Variants in SYNE2 observed in about 807,000 individuals in gnomAD.
SYNE2 encodes the protein spectrin repeat containing nuclear envelope protein 2.
In SYNE2, 431 loss-of-function variants were observed where a neutral mutation model predicts 856.3. The observed-to-expected ratio is 0.50, with a 90% confidence interval of 0.47 to 0.55. The LOEUF is 0.55. SYNE2 is among the 20% of genes least tolerant of loss of function. The pLI is 0.00. For synonymous variants in SYNE2, 2,923 were observed against 2,872.3 expected, an observed-to-expected ratio of 1.02 and a Z score of -0.56; for missense variants, 8,129 against 8,023.2, an observed-to-expected ratio of 1.01 and a Z score of -0.50.
At chr14:64,107,439 A>G in intron 64 of SYNE2, 52 bp from the exon 65 acceptor site, 3 of 1,476,156 alleles carry the variant, frequency 2.0e-6, no homozygotes, top group Non-Finnish European at 9.5e-7. Context: ...AGAAGAATTC[A>G]TGTGGCACCA....
At chr14:63,931,549 CAA>C (rs564187169) in intron 2 of SYNE2, among the ~76,000 whole-genome samples, 41 of 88,682 alleles carry the variant, frequency 4.6e-4, no homozygotes, top group Admixed American at 5.1e-4. Context: ...GACTCTGTCT[CAA>C]AAAAAAAAAA....
rs866965526 is a variant in SYNE2 at position 64,219,110 on chromosome 14, T to G, written c.19658-98T>G. On this transcript the variant is annotated intron_variant, in intron 109 of 115. Coordinates refer to ENST00000555002, the MANE Select transcript of SYNE2 (RefSeq NM_182914.3). ...AATCCCCTACAGTTTTTTTGTTTTTTTTTTTTTTTTTTTTAACCACCCTGA... is the reference window on the plus strand; with the variant it reads ...AATCCCCTACAGTTTTTTTGTTTTTGTTTTTTTTTTTTTTAACCACCCTGA... 9.9e-4 allele frequency: 898 copies of G among 905,778 alleles called. 2 individuals are homozygous for G. Among genetic ancestry groups the G allele is most frequent in the African/African-American group, 6.9e-3 (337 of 48,680 alleles). 56.1% of individuals were successfully genotyped at this position (905,778 alleles called of 1,614,324 possible). A position where few individuals can be genotyped will look rare whatever the true frequency, so the allele number is the denominator to read the frequency against.
chr14:63,879,445 A>G (rs1259888695), intron 1 of SYNE2, among the ~76,000 whole-genome samples: 1 of 152,154 alleles, frequency 6.6e-6, no homozygotes. Context: ...GGAGCCCACA[A>G]AGGGTCTCCA....
At chr14:63,969,689 G>A (rs1041505043) in intron 11 of SYNE2, among the ~76,000 whole-genome samples, 3 of 151,826 alleles carry the variant, frequency 2.0e-5, no homozygotes, top group African/African-American at 4.8e-5. Context: ...TATGTACCAC[G>A]TTTTCTTTAT....
At chr14:64,186,396 T>C (rs1276659540) in intron 96 of SYNE2, 28 bp from the exon 97 acceptor site, 3 of 1,614,012 alleles carry the variant, frequency 1.9e-6, no homozygotes, top group Non-Finnish European at 2.5e-6. Flanking sequence ...TTGAAGGCTT[T>C]TTACCCCCTT....
intron 64 of SYNE2, among the ~76,000 whole-genome samples, chr14:64,104,806 A>G (rs2097760809): frequency 6.6e-6 from 1 of 152,126 alleles, no homozygotes; most frequent in African/African-American, 2.4e-5. Flanking sequence ...GGTCACCTCT[A>G]TGCCAGTGAT....
chr14:63,762,828 G>A (rs1253327730), intron 1 of SYNE2, among the ~76,000 whole-genome samples: 4 of 151,612 alleles, frequency 2.6e-5, no homozygotes, highest in South Asian at 4.1e-4. Context: ...GGTTCAGAAA[G>A]AGAGAGAAAA....
At chr14:64,097,661 G>C (rs953517483) in intron 61 of SYNE2, among the ~76,000 whole-genome samples, 3 of 152,250 alleles carry the variant, frequency 2.0e-5, no homozygotes, top group Non-Finnish European at 4.4e-5. Flanking sequence ...CCACAGTCAC[G>C]TGTGGAGCAT....
Position 64,121,026 on chromosome 14 carries a change from C to T in SYNE2, c.13123C>T (p.Gln4375Ter). ...GGAATCCATTGTAACTGAAAGGCCA[C>T]AATTCAGCAGACAAAAAGATTTCCA... ...ELESIVTERP[Q>*]FSRQKDFQQQ... The change falls in exon 68 of 116, where the codon CAA becomes TAA. Residue 4375 changes from glutamine to a stop codon, truncating the protein, a stop_gained. Coordinates refer to ENST00000555002, the MANE Select transcript of SYNE2 (RefSeq NM_182914.3). LOFTEE classifies it high-confidence loss of function. 1 of 1,614,118 alleles carries T rather than the reference C, an allele frequency of 6.2e-7. No homozygotes were observed. Among genetic ancestry groups the T allele is most frequent in the Non-Finnish European group, 8.5e-7 (1 of 1,180,000 alleles).
intron 1 of SYNE2, among the ~76,000 whole-genome samples, chr14:63,769,567 G>C (rs1363347197): frequency 6.6e-6 from 1 of 151,714 alleles, no homozygotes; most frequent in African/African-American, 2.4e-5. Flanking sequence ...ACTTCGGGAG[G>C]CTGAGACAGG....
chr14:63,976,263 G>A (rs889144313), intron 11 of SYNE2, among the ~76,000 whole-genome samples: 4 of 152,160 alleles, frequency 2.6e-5, no homozygotes, highest in African/African-American at 9.7e-5. Context: ...GCTTAGAGGT[G>A]TGCTTTTAAT....
chr14:63,894,228 G>T (rs2095204156), intron 1 of SYNE2, among the ~76,000 whole-genome samples: 1 of 147,380 alleles, frequency 6.8e-6, no homozygotes, highest in Admixed American at 6.7e-5. Flanking sequence ...TTTTGAGACA[G>T]GGCATTGTTC....
At chr14:64,000,439 C>T (rs1439800675) in intron 27 of SYNE2, 123 bp from the exon 28 acceptor site, 1 of 910,846 alleles carries the variant, frequency 1.1e-6, no homozygotes, top group African/African-American at 1.7e-5. Flanking sequence ...TATTTTTAAA[C>T]ACATTTACAT....
At chr14:64,183,533 C>T (rs1567575120) in intron 96 of SYNE2, among the ~76,000 whole-genome samples, 2 of 152,162 alleles carry the variant, frequency 1.3e-5, no homozygotes, top group African/African-American at 4.8e-5. Context: ...GCAGAGGCTG[C>T]AGTCTCGGCA....
rs1451754092 is a variant in SYNE2 at position 64,122,364 on chromosome 14, A to G, written c.13359A>G (p.Gln4453=). The G allele has an allele frequency of 3.7e-6, 6 of 1,614,172 alleles. No homozygotes were observed. Among genetic ancestry groups the G allele is most frequent in the Non-Finnish European group, 4.2e-6 (5 of 1,180,030 alleles). Residue 4453 remains glutamine (Q), a synonymous_variant, in exon 70 of 116, where the codon CAA becomes CAG. Coordinates refer to ENST00000555002, the MANE Select transcript of SYNE2 (RefSeq NM_182914.3). ...AGGGCCAAAATGGAGATAAGTGGCA[A>G]TATCTGCATCATGAACTCTCATCAA... The part of the protein sequence containing the change: ...SPQGQNGDKW[Q]YLHHELSSKI...
Position 64,078,492 on chromosome 14 carries a change from A to G in SYNE2, c.11049A>G (p.Ser3683=). ...EKISNEVLKS[S]PSYAMRRKIE... ...TTAGCAATGAAGTCTTAAAAAGCTCACCATCATATGCAATGAGGAGAAAAA... is the reference window on the plus strand; with the variant it reads ...TTAGCAATGAAGTCTTAAAAAGCTCGCCATCATATGCAATGAGGAGAAAAA... Residue 3683 remains serine, a synonymous_variant, in exon 55 of 116, where the codon TCA becomes TCG. Coordinates refer to ENST00000555002, the MANE Select transcript of SYNE2 (RefSeq NM_182914.3). 1 of 1,614,138 alleles carries G rather than the reference A, an allele frequency of 6.2e-7. No homozygotes were observed. Among genetic ancestry groups the G allele is most frequent in the Non-Finnish European group, 8.5e-7 (1 of 1,179,996 alleles).
intron 101 of SYNE2, chr14:64,209,182 A>T: frequency 1.2e-6 from 1 of 809,002 alleles, no homozygotes; most frequent in Non-Finnish European, 1.9e-6. Context: ...GCTTCCGTTG[A>T]CCTAGCTGGG....
chr14:63,977,364 T>C (rs373517704), intron 12 of SYNE2, among the ~76,000 whole-genome samples: 36 of 152,060 alleles, frequency 2.4e-4, no homozygotes, highest in African/African-American at 8.2e-4. Flanking sequence ...AGGTGCCCAC[T>C]ACCACACCCG....
At position 64,055,957 on chromosome 14, in the gene SYNE2, A is replaced by G; in HGVS notation, c.9758A>G (p.Asp3253Gly). The G allele has an allele frequency of 1.2e-6, 2 of 1,613,770 alleles. No homozygotes were observed. Among genetic ancestry groups the G allele is most frequent in the South Asian group, 2.2e-5 (2 of 91,000 alleles). ...SIDLRTNVLNDAYENLTRYKE... is the reference protein window; with the variant it reads ...SIDLRTNVLNGAYENLTRYKE... ...CCTATTCACTAGAATGTCTTGAATG[A>G]TGCTTATGAAAATCTAACACGCTAT... The change falls in exon 49 of 116, where the codon GAT becomes GGT. Residue 3253 changes from aspartate to glycine, a missense_variant. Physicochemically the swap from Asp to Gly is moderately conservative, Grantham distance 94. Coordinates refer to ENST00000555002, the MANE Select transcript of SYNE2 (RefSeq NM_182914.3).
Sources: gnomAD v4.1 joint callset for allele counts (sites outside exome capture counted in the v4.1 genomes callset) on GRCh38, gnomAD v4.1.1 for gene constraint, MANE v1.5 for transcripts, NCBI Gene and HGNC (gene_info 2026-07-23, HGNC 2026-07-21) for gene names.